The following TASP1 variants were observed in gnomAD, a reference collection of about 807,000 sequenced individuals.
TASP1 encodes the protein taspase 1.
TASP1 carries 16 observed loss-of-function variants against 56.6 expected under a neutral mutation model. That is an observed-to-expected ratio of 0.28 (90% CI 0.19 to 0.43). The LOEUF is 0.43. Ranked by LOEUF, TASP1 falls within the 20% of genes least tolerant of loss-of-function variation. The probability of loss-of-function intolerance (pLI) is 1.00; values close to 1 mark genes in which losing one functional copy is unlikely to be tolerated. For missense variants in TASP1, 393 were observed against 511.6 expected (o/e 0.77, Z 2.24); for synonymous variants, 179 against 184.2 (o/e 0.97, Z 0.23).
At chr20:13,133,350 A>G in the TASP1 span, among the ~76,000 whole-genome samples, 2 of 151,754 alleles carry the variant, frequency 1.3e-5, no homozygotes, top group Admixed American at 1.3e-4. Flanking sequence ...AGCCTTTGAG[A>G]ATCACTGCTG....
chr20:13,257,596 A>T, the TASP1 span, among the ~76,000 whole-genome samples: 9 of 152,208 alleles, frequency 5.9e-5, no homozygotes, highest in African/African-American at 2.2e-4. Context: ...CATTGTTTTT[A>T]TCATCACTAT....
chr20:13,367,194 C>T, the TASP1 span, among the ~76,000 whole-genome samples: 5 of 152,164 alleles, frequency 3.3e-5, no homozygotes, highest in African/African-American at 7.2e-5. Context: ...AGATTTTACA[C>T]GCATGACATG....
At chr20:13,233,029 A>AT in the TASP1 span, among the ~76,000 whole-genome samples, 1 of 151,994 alleles carries the variant, frequency 6.6e-6, no homozygotes, top group African/African-American at 2.4e-5. Flanking sequence ...TGGACCAAAA[A>AT]AAAAAAAGAA....
At chr20:13,617,330 T>C (rs190500010) in intron 4 of TASP1, among the ~76,000 whole-genome samples, 96 of 152,254 alleles carry the variant, frequency 6.3e-4, no homozygotes, top group African/African-American at 1.8e-3. Flanking sequence ...AATGAAAACA[T>C]TGTAAGTACT....
chr20:13,593,704 C>T (rs984309957), intron 4 of TASP1, among the ~76,000 whole-genome samples: 13 of 152,168 alleles, frequency 8.5e-5, no homozygotes, highest in Admixed American at 3.9e-4. Flanking sequence ...CTGGGAAGCT[C>T]GAACTGGGTG....
the TASP1 span, among the ~76,000 whole-genome samples, chr20:13,119,770 G>C: frequency 2.0e-5 from 3 of 152,208 alleles, no homozygotes; most frequent in Admixed American, 6.5e-5. Context: ...CCCTAAAACA[G>C]CAAGATGCAA....
the TASP1 span, among the ~76,000 whole-genome samples, chr20:13,274,808 T>C: frequency 6.6e-6 from 1 of 152,208 alleles, no homozygotes; most frequent in Admixed American, 6.5e-5. Flanking sequence ...CAGACAATTC[T>C]ATTTTAAGAC....
chr20:13,589,347 C>A (rs762308921), intron 4 of TASP1, among the ~76,000 whole-genome samples: 1 of 151,996 alleles, frequency 6.6e-6, no homozygotes, highest in African/African-American at 2.4e-5. Flanking sequence ...CATGAGCCAC[C>A]GCGCCTGGCC....
chr20:13,301,137 C>T, the TASP1 span, among the ~76,000 whole-genome samples: 1 of 152,172 alleles, frequency 6.6e-6, no homozygotes, highest in Admixed American at 6.5e-5. Context: ...CCTAACCCCA[C>T]CCTTAAGTTA....
At chr20:13,447,727 A>G (rs887941522) in intron 11 of TASP1, among the ~76,000 whole-genome samples, 4 of 152,150 alleles carry the variant, frequency 2.6e-5, no homozygotes, top group African/African-American at 9.7e-5. Context: ...GTGAGAAAAT[A>G]AAAGCCCTCA....
the TASP1 span, among the ~76,000 whole-genome samples, chr20:13,366,011 A>C: frequency 6.6e-6 from 1 of 152,224 alleles, no homozygotes; most frequent in East Asian, 1.9e-4. Flanking sequence ...TTCAAAGACA[A>C]CATTTAGATT....
chr20:13,372,601 T>C, the TASP1 span, among the ~76,000 whole-genome samples: 1 of 151,770 alleles, frequency 6.6e-6, no homozygotes, highest in Non-Finnish European at 1.5e-5. Flanking sequence ...CTGCTTTTTT[T>C]CTGGAGAACA....
the TASP1 span, among the ~76,000 whole-genome samples, chr20:13,234,600 G>A: frequency 6.6e-6 from 1 of 152,202 alleles, no homozygotes; most frequent in African/African-American, 2.4e-5. Context: ...TTTTAGCCAT[G>A]TCCTCGCCAA....
At chr20:13,627,397 C>T (rs2147562758) in intron 2 of TASP1, among the ~76,000 whole-genome samples, 1 of 152,332 alleles carries the variant, frequency 6.6e-6, no homozygotes, top group South Asian at 2.1e-4. Context: ...TCCTACTCTT[C>T]TTGCTGACCC....
rs181044000 is a variant in TASP1 at position 13,391,389 on chromosome 20, C to G, written c.1171-937G>C. ...GCCAAGAATTCCTCTTTTTGGTGAT[C>G]TGGCTTAATCCAAGGATAGATAAAT... On this transcript the variant is annotated intron_variant, in intron 13 of 13. Coordinates refer to ENST00000337743, the MANE Select transcript of TASP1 (RefSeq NM_017714.3). Among the ~76,000 whole-genome samples, 10 of 152,270 alleles carry G rather than the reference C, an allele frequency of 6.6e-5. No homozygotes were observed. The East Asian group carries it at 1.9e-3, about 29-fold the overall frequency.
chr20:13,462,347 T>TA (rs1412984746), intron 11 of TASP1, among the ~76,000 whole-genome samples: 1 of 152,194 alleles, frequency 6.6e-6, no homozygotes, highest in African/African-American at 2.4e-5. Context: ...TAATTTTAGT[T>TA]AATTTAAATT....
At chr20:13,576,353 GAAAGAA>G (rs1052283836) in intron 6 of TASP1, among the ~76,000 whole-genome samples, 1 of 108,686 alleles carries the variant, frequency 9.2e-6, no homozygotes, top group African/African-American at 3.7e-5. Context: ...AAGAAAGAAA[GAAAGAA>G]AGAAAGAAAG....
rs2042294620 is a variant in TASP1 at position 13,417,459 on chromosome 20, C to T, written c.1159G>A (p.Gly387Arg). The change falls in exon 13 of 14, where the codon GGG becomes AGG. Residue 387 changes from glycine (G) to arginine (R), a missense_variant. Physicochemically the swap from Gly to Arg is moderately radical, Grantham distance 125. Transcript: ENST00000337743. ...MCVGYMSAQD[G>R]KAKTHISRLP... Reference sequence around the variant, plus strand: ...TTTTTCCCACTTACCTTGGCTTTCCCATCCTGGGCTGACATATATCCGACA... The same window carrying T: ...TTTTTCCCACTTACCTTGGCTTTCCTATCCTGGGCTGACATATATCCGACA... The T allele has an allele frequency of 6.2e-7, 1 of 1,614,122 alleles. No individual in the cohort carries two copies. Among genetic ancestry groups the T allele is most frequent in the South Asian group, 1.1e-5 (1 of 91,082 alleles).
chr20:13,290,589 CAGTGAGCCA>C, the TASP1 span, among the ~76,000 whole-genome samples: 1 of 152,146 alleles, frequency 6.6e-6, no homozygotes, highest in East Asian at 1.9e-4. Flanking sequence ...GCGGAGCTTG[CAGTGAGCCA>C]AGTGAGCCGA....
Sources: allele counts gnomAD v4.1 joint callset (sites outside exome capture counted in the v4.1 genomes callset), GRCh38; gene constraint gnomAD v4.1.1; transcripts MANE v1.5; gene names NCBI Gene and HGNC (gene_info 2026-07-23, HGNC 2026-07-21).